The following FSTL5 variants were observed in gnomAD, a reference collection of about 807,000 sequenced individuals.
The protein encoded by FSTL5 is follistatin-related protein 5.
Under a neutral mutation model 89.1 loss-of-function variants are expected in FSTL5, and 62 were observed. That is an observed-to-expected ratio of 0.70 (90% CI 0.57 to 0.86). The LOEUF is 0.86. Ranked by LOEUF, FSTL5 falls within the 40% of genes least tolerant of loss-of-function variation. FSTL5 has a pLI of 0.00. For missense variants in FSTL5, 1,057 were observed against 1,001.6 expected, an observed-to-expected ratio of 1.06 and a Z score of -0.75; for synonymous variants, 383 against 346.2, an observed-to-expected ratio of 1.11 and a Z score of -1.18.
chr4:161,481,244 T>C lies in FSTL5; in HGVS notation c.1459-75A>G, dbSNP rs79444402. The C allele has an allele frequency of 4.7e-3, 5,403 of 1,156,452 alleles. 194 individuals carry two copies. In the African/African-American group the frequency reaches 0.07, roughly 15 times the overall value. 71.6% of individuals were successfully genotyped at this position (1,156,452 alleles called of 1,614,324 possible). On this transcript the variant is annotated intron_variant, in intron 12 of 15. Coordinates refer to ENST00000306100, the MANE Select transcript of FSTL5 (RefSeq NM_020116.5). ...ATGCCTGACAATATCATGGGTAAAA[T>C]TAATGTTTCATACTTTACTACTTTC...
At chr4:161,538,088 C>T (rs540404615) in intron 10 of FSTL5, 78 bp downstream of exon 10, 4 of 1,392,472 alleles carry the variant, frequency 2.9e-6, no homozygotes, top group Non-Finnish European at 4.0e-6. Flanking sequence ...TTTTCTGGTG[C>T]CTTTACTTTT....
At chr4:161,581,199 A>T (rs191682862) in intron 8 of FSTL5, among the ~76,000 whole-genome samples, 12 of 152,350 alleles carry the variant, frequency 7.9e-5, no homozygotes, top group Non-Finnish European at 1.3e-4. Flanking sequence ...GTTAGAACAC[A>T]CATTGTTCTA....
chr4:161,745,561 T>C (rs1740170000), intron 6 of FSTL5, among the ~76,000 whole-genome samples: 1 of 152,048 alleles, frequency 6.6e-6, no homozygotes, highest in Non-Finnish European at 1.5e-5. Context: ...TACACAGTTT[T>C]AGTTGACTGT....
At chr4:162,040,707 AT>A (rs1438741108) in intron 2 of FSTL5, among the ~76,000 whole-genome samples, 1 of 152,084 alleles carries the variant, frequency 6.6e-6, no homozygotes, top group Non-Finnish European at 1.5e-5. Flanking sequence ...ATCACCTTTT[AT>A]TTAAAATTCT....
chr4:161,930,509 T>A (rs113735807), intron 3 of FSTL5, among the ~76,000 whole-genome samples: 8,168 of 151,886 alleles, frequency 0.054, 277 homozygotes, highest in Non-Finnish European at 0.079. Flanking sequence ...TAAAGCTTTT[T>A]TTTTCTCTTT....
chr4:162,002,140 G>T (rs1736483066), intron 3 of FSTL5, among the ~76,000 whole-genome samples: 1 of 152,052 alleles, frequency 6.6e-6, no homozygotes, highest in Non-Finnish European at 1.5e-5. Context: ...AACTGAAAGA[G>T]ATTTGTATTT....
chr4:161,967,592 A>G (rs1735364987), intron 3 of FSTL5, among the ~76,000 whole-genome samples: 1 of 151,992 alleles, frequency 6.6e-6, no homozygotes, highest in African/African-American at 2.4e-5. Context: ...TAAATGATGT[A>G]AAGATAACCT....
intron 3 of FSTL5, among the ~76,000 whole-genome samples, chr4:161,969,148 A>G (rs773326521): frequency 6.6e-6 from 1 of 152,130 alleles, no homozygotes; most frequent in African/African-American, 2.4e-5. Context: ...TGAAAAAGAA[A>G]AACGCACTCC....
At chr4:162,139,221 G>T (rs1482421457) in intron 1 of FSTL5, among the ~76,000 whole-genome samples, 1 of 151,986 alleles carries the variant, frequency 6.6e-6, no homozygotes, top group African/African-American at 2.4e-5. Flanking sequence ...AATTTTTAAT[G>T]CTCCCCTCCC....
At chr4:161,915,080 T>G (rs1733801341) in intron 4 of FSTL5, among the ~76,000 whole-genome samples, 1 of 152,226 alleles carries the variant, frequency 6.6e-6, no homozygotes, top group Non-Finnish European at 1.5e-5. Context: ...GCCCTTTGGT[T>G]CCTGTCCCAG....
At chr4:161,693,246 TATTAA>T (rs1282437538) in intron 6 of FSTL5, among the ~76,000 whole-genome samples, 1 of 152,218 alleles carries the variant, frequency 6.6e-6, no homozygotes, top group African/African-American at 2.4e-5. Context: ...TCATAAGGAA[TATTAA>T]ATTGTAGTTG....
At chr4:161,664,929 C>G (rs1447870658) in intron 6 of FSTL5, 1 of 187,248 alleles carries the variant, frequency 5.3e-6, no homozygotes, top group Non-Finnish European at 1.0e-5. Flanking sequence ...CCAGACAAAC[C>G]CGTCAGATCT....
intron 7 of FSTL5, among the ~76,000 whole-genome samples, chr4:161,631,634 A>AT (rs1475810311): frequency 4.6e-5 from 7 of 152,190 alleles, no homozygotes; most frequent in Non-Finnish European, 7.3e-5. Flanking sequence ...ATTAATAAAT[A>AT]ATTCAGATGA....
chr4:162,099,410 A>G (rs2111378076), intron 2 of FSTL5, among the ~76,000 whole-genome samples: 1 of 152,290 alleles, frequency 6.6e-6, no homozygotes, highest in Admixed American at 6.5e-5. Context: ...ACTTTACAAT[A>G]AAAATGTTAT....
intron 4 of FSTL5, among the ~76,000 whole-genome samples, chr4:161,852,176 AT>A (rs1731575123): frequency 3.9e-5 from 2 of 51,106 alleles, no homozygotes; most frequent in South Asian, 1.0e-3. Flanking sequence ...ATAGGTAGAT[AT>A]AAAATATATA....
At chr4:161,652,007 C>T (rs1736358126) in intron 7 of FSTL5, among the ~76,000 whole-genome samples, 4 of 152,142 alleles carry the variant, frequency 2.6e-5, no homozygotes, top group Admixed American at 2.6e-4. Flanking sequence ...CCAAAGAGCA[C>T]CAGAAAACTG....
rs1425814590 is a variant in FSTL5 at position 162,023,398 on chromosome 4, T to C, written c.160+10227A>G. 2.3e-4 allele frequency among the ~76,000 whole-genome samples: 35 copies of C among 152,114 alleles called. 1 individual carries two copies. The highest frequency in any genetic ancestry group is 2.3e-3 in the Admixed American group (35 of 15,246). On this transcript the variant is annotated intron_variant, in intron 3 of 15. Transcript: ENST00000306100. ...TTGCAAGCTAGATTGCACCGTCTGG[T>C]TTTTATATGTGCCTAAACCACACAC...
intron 3 of FSTL5, among the ~76,000 whole-genome samples, chr4:161,943,814 C>G (rs1019499435): frequency 6.6e-6 from 1 of 151,964 alleles, no homozygotes; most frequent in African/African-American, 2.4e-5. Flanking sequence ...CTTGGCCTCC[C>G]AAAGTGCTAG....
intron 8 of FSTL5, among the ~76,000 whole-genome samples, chr4:161,575,246 C>A (rs1733167979): frequency 1.3e-5 from 2 of 151,696 alleles, no homozygotes; most frequent in South Asian, 2.1e-4. Flanking sequence ...GGATATGAGA[C>A]CTTTGTCAGA....
Sources: allele counts gnomAD v4.1 joint callset (sites outside exome capture counted in the v4.1 genomes callset), GRCh38; gene constraint gnomAD v4.1.1; transcripts MANE v1.5; gene names NCBI Gene and HGNC (gene_info 2026-07-23, HGNC 2026-07-21).